Variants in JAZF1 observed in about 807,000 individuals in gnomAD.
JAZF1 encodes juxtaposed with another zinc finger protein 1.
In JAZF1, 8 loss-of-function variants were observed where a neutral mutation model predicts 26.4. The observed-to-expected ratio is 0.30, with a 90% CI of 0.18 to 0.55. The LOEUF (loss-of-function observed/expected upper bound fraction) is 0.55. Among genes scored for constraint, JAZF1 ranks in the 20% least tolerant of loss-of-function variants. The pLI is 0.94. For missense variants in JAZF1, 199 were observed against 322.0 expected, an observed-to-expected ratio of 0.62 and a Z score of 2.92; for synonymous variants, 126 against 122.3, an observed-to-expected ratio of 1.03 and a Z score of -0.20.
intron 2 of JAZF1, among the ~76,000 whole-genome samples, chr7:27,966,117 G>C (rs1476804911): frequency 1.3e-5 from 2 of 152,150 alleles, no homozygotes; most frequent in Non-Finnish European, 2.9e-5. Context: ...TCCCTTTTTA[G>C]CTGCAGAAGA....
chr7:28,148,843 C>G (rs1783065660), intron 1 of JAZF1, among the ~76,000 whole-genome samples: 1 of 152,218 alleles, frequency 6.6e-6, no homozygotes, highest in Non-Finnish European at 1.5e-5. Context: ...TTCACTGATT[C>G]ACTGCTGAGT....
rs1238876190 is a variant in JAZF1, at chr7:28,174,789, C to T, written c.115+5674G>A. Among the ~76,000 whole-genome samples, 5 of 80,698 alleles carry T rather than the reference C, an allele frequency of 6.2e-5. 1 individual carries two copies. The highest frequency in any genetic ancestry group is 1.6e-4 in the Non-Finnish European group (4 of 25,572). 52.9% of individuals were successfully genotyped at this position (80,698 alleles called of 152,430 possible). ...GAGACTGCCGTAAAGTTTCAGATTT[C>T]GGGTTCCCTGATCCTGCCTATGGGG... On this transcript the variant is annotated intron_variant, in intron 1 of 4. Transcript: ENST00000283928.
At chr7:27,929,568 G>T (rs1468674592) in intron 2 of JAZF1, among the ~76,000 whole-genome samples, 2 of 152,210 alleles carry the variant, frequency 1.3e-5, no homozygotes, top group South Asian at 4.1e-4. Flanking sequence ...GAAGTTTGTA[G>T]GTAGAAGAGT....
intron 1 of JAZF1, among the ~76,000 whole-genome samples, chr7:28,110,494 AAAGGAAAGGAAAAGG>A (rs1478279450): frequency 7.7e-5 from 2 of 25,956 alleles, no homozygotes; most frequent in Non-Finnish European, 2.1e-4. Context: ...AAAGGAAAGG[AAAGGAAAGGAAAAGG>A]AAAGGAAAAG....
chr7:27,980,511 C>G (rs778751734), intron 2 of JAZF1, among the ~76,000 whole-genome samples: 18 of 152,002 alleles, frequency 1.2e-4, no homozygotes, highest in Non-Finnish European at 2.1e-4. Flanking sequence ...ATCCAAAAAG[C>G]TAGCTCCATT....
At chr7:28,051,048 C>T (rs1276443584) in intron 1 of JAZF1, among the ~76,000 whole-genome samples, 5 of 146,660 alleles carry the variant, frequency 3.4e-5, no homozygotes, top group South Asian at 4.4e-4. Context: ...AGGAGAATCG[C>T]GTGAACCTGG....
intron 2 of JAZF1, among the ~76,000 whole-genome samples, chr7:27,958,672 T>C (rs1785139559): frequency 6.6e-6 from 1 of 152,210 alleles, no homozygotes; most frequent in South Asian, 2.1e-4. Flanking sequence ...GGTCCAGTTC[T>C]GTGTGACTTA....
chr7:28,158,710 G>GT (rs1013335239), intron 1 of JAZF1, among the ~76,000 whole-genome samples: 2 of 152,174 alleles, frequency 1.3e-5, no homozygotes, highest in African/African-American at 4.8e-5. Context: ...GGGAAAGCCA[G>GT]TTTTTTTGCC....
At chr7:27,968,291 A>T (rs1031684549) in intron 2 of JAZF1, among the ~76,000 whole-genome samples, 1 of 152,224 alleles carries the variant, frequency 6.6e-6, no homozygotes, top group Non-Finnish European at 1.5e-5. Flanking sequence ...CATAACTCAC[A>T]GTCACATAAT....
intron 2 of JAZF1, among the ~76,000 whole-genome samples, chr7:27,959,277 C>T (rs1399086593): frequency 6.6e-6 from 1 of 152,176 alleles, no homozygotes; most frequent in Non-Finnish European, 1.5e-5. Flanking sequence ...GTCATTTTAC[C>T]ATTCCTTTTA....
intron 2 of JAZF1, among the ~76,000 whole-genome samples, chr7:27,924,270 G>A (rs546968353): frequency 6.6e-6 from 1 of 152,264 alleles, no homozygotes; most frequent in East Asian, 1.9e-4. Flanking sequence ...TAGAGATGGT[G>A]TTTCACCATC....
chr7:28,006,602 T>C (rs966372243), intron 1 of JAZF1, among the ~76,000 whole-genome samples: 4 of 152,172 alleles, frequency 2.6e-5, no homozygotes, highest in Non-Finnish European at 4.4e-5. Flanking sequence ...GCAGTCCTCA[T>C]GAAAATCCTG....
At chr7:27,991,808 A>T in intron 2 of JAZF1, 101 bp downstream of exon 2, 1 of 708,462 alleles carries the variant, frequency 1.4e-6, no homozygotes, top group Non-Finnish European at 2.4e-6. Context: ...CAAATATTTT[A>T]AGACTGAAAA....
intron 1 of JAZF1, among the ~76,000 whole-genome samples, chr7:28,088,734 CA>C (rs1294448431): frequency 6.6e-6 from 1 of 152,194 alleles, no homozygotes; most frequent in Non-Finnish European, 1.5e-5. Flanking sequence ...TTTCACCTGC[CA>C]AACCACCACT....
At chr7:27,948,850 C>T (rs1055378787) in intron 2 of JAZF1, among the ~76,000 whole-genome samples, 2 of 152,184 alleles carry the variant, frequency 1.3e-5, no homozygotes, top group African/African-American at 4.8e-5. Context: ...TTGCTTCATT[C>T]TACATTTGTG....
At chr7:28,178,296 C>A (rs1016867317) in intron 1 of JAZF1, among the ~76,000 whole-genome samples, 1 of 152,000 alleles carries the variant, frequency 6.6e-6, no homozygotes, top group Non-Finnish European at 1.5e-5. Context: ...TTTAAACCAT[C>A]TCAAACTAAA....
chr7:27,832,226 G>T lies in JAZF1; in HGVS notation c.*574C>A, dbSNP rs140006286. The T allele has an allele frequency of 4.7e-4, 98 of 209,466 alleles. 1 individual carries two copies. In the East Asian group the frequency reaches 7.0e-3, roughly 15 times the overall value. 13.0% of individuals were successfully genotyped at this position (209,466 alleles called of 1,614,324 possible). On this transcript the variant is annotated 3_prime_UTR_variant, in exon 5 of 5. Coordinates refer to ENST00000283928, the MANE Select transcript of JAZF1 (RefSeq NM_175061.4). Reference sequence around the variant, plus strand: ...TAAAACACAGAAAGCACACCTTTACGTATGTTATTTAAATATGAAAATATT... The same window carrying T: ...TAAAACACAGAAAGCACACCTTTACTTATGTTATTTAAATATGAAAATATT...
intron 1 of JAZF1, among the ~76,000 whole-genome samples, chr7:28,073,024 A>G (rs1341402256): frequency 6.6e-6 from 1 of 152,186 alleles, no homozygotes; most frequent in Admixed American, 6.5e-5. Context: ...TTGCCTCAGT[A>G]TGAAAATACA....
chr7:27,872,466 CCT>C (rs1783599702), intron 3 of JAZF1, among the ~76,000 whole-genome samples: 1 of 152,184 alleles, frequency 6.6e-6, no homozygotes, highest in Non-Finnish European at 1.5e-5. Flanking sequence ...GAATCCTTCC[CCT>C]GTGCTCTGTG....
Sources: allele counts gnomAD v4.1 joint callset (sites outside exome capture counted in the v4.1 genomes callset), GRCh38; gene constraint gnomAD v4.1.1; transcripts MANE v1.5; gene names NCBI Gene and HGNC (gene_info 2026-07-23, HGNC 2026-07-21).